The following BNC2 variants were observed in gnomAD, a reference collection of about 807,000 sequenced individuals.
BNC2 encodes zinc finger protein basonuclin-2.
A neutral mutation model predicts 76.3 loss-of-function variants in BNC2; 20 were observed. The observed-to-expected ratio is 0.26, with a 90% confidence interval of 0.18 to 0.38. The LOEUF (loss-of-function observed/expected upper bound fraction) is 0.38, where lower values mean the gene tolerates loss of function less well. BNC2 is among the 10% of genes least tolerant of loss of function. The pLI is 1.00. For synonymous variants in BNC2, 582 were observed against 514.8 expected, an observed-to-expected ratio of 1.13 and a Z score of -1.77; for missense variants, 1,382 against 1,399.8, an observed-to-expected ratio of 0.99 and a Z score of 0.20.
At chr9:16,537,022 C>T (rs1041781338) in intron 5 of BNC2, among the ~76,000 whole-genome samples, 1 of 152,098 alleles carries the variant, frequency 6.6e-6, no homozygotes, top group Non-Finnish European at 1.5e-5. Context: ...CTATCCTGCT[C>T]ATAAACCCTA....
At chr9:16,837,824 C>T (rs763633986) in intron 1 of BNC2, among the ~76,000 whole-genome samples, 13 of 151,964 alleles carry the variant, frequency 8.6e-5, no homozygotes, top group Non-Finnish European at 1.8e-4. Context: ...ATCAACTCTG[C>T]CTCAACATTT....
At chr9:16,649,621 C>T (rs193269562) in intron 3 of BNC2, among the ~76,000 whole-genome samples, 36 of 152,260 alleles carry the variant, frequency 2.4e-4, no homozygotes, top group African/African-American at 8.4e-4. Flanking sequence ...TGAAAAGCCA[C>T]TTCTACAGGC....
chr9:16,467,808 T>G (rs1030606031), intron 5 of BNC2, among the ~76,000 whole-genome samples: 2 of 142,316 alleles, frequency 1.4e-5, no homozygotes, highest in Non-Finnish European at 3.0e-5. Context: ...AATGTGCACA[T>G]GTACCCTAAA....
chr9:16,762,471 T>C (rs535718129), intron 1 of BNC2, among the ~76,000 whole-genome samples: 43 of 152,274 alleles, frequency 2.8e-4, no homozygotes, highest in Non-Finnish European at 4.9e-4. Context: ...TCAAAACCCC[T>C]GGATGTGCAC....
In BNC2 at chr9:16,590,651, T is replaced by A. The variant is rs531604603; in HGVS notation, c.331-7566A>T. ...GCGAAACCTCGTCTCTATAAAAATA[T>A]GAAAAATTCGCCGGGCGTGGTGGCA... On this transcript the variant is annotated intron_variant, in intron 3 of 6. Transcript: ENST00000380672. Among the ~76,000 whole-genome samples, 9 of 152,096 alleles carry A rather than the reference T, an allele frequency of 5.9e-5. No homozygotes were observed. The East Asian group carries it at 1.8e-3, about 30-fold the overall frequency.
At chr9:16,464,174 G>A (rs1221144239) in intron 5 of BNC2, among the ~76,000 whole-genome samples, 3 of 150,248 alleles carry the variant, frequency 2.0e-5, no homozygotes, top group Non-Finnish European at 4.4e-5. Context: ...CCTAATAATA[G>A]CTAACAACTC....
intron 4 of BNC2, among the ~76,000 whole-genome samples, chr9:16,575,746 C>T (rs928848028): frequency 6.6e-6 from 1 of 152,158 alleles, no homozygotes; most frequent in Admixed American, 6.5e-5. Context: ...AATGGCCTTG[C>T]TTTTGCTCTC....
chr9:16,683,725 T>C (rs1329451335), intron 3 of BNC2, among the ~76,000 whole-genome samples: 3 of 152,220 alleles, frequency 2.0e-5, no homozygotes, highest in Non-Finnish European at 4.4e-5. Flanking sequence ...GGACATAATA[T>C]GTATATGTAC....
intron 5 of BNC2, among the ~76,000 whole-genome samples, chr9:16,438,658 T>C (rs114918628): frequency 0.011 from 1,639 of 152,270 alleles, 27 homozygotes; most frequent in African/African-American, 0.037. Flanking sequence ...GAGTGACACT[T>C]GCCCTAACCC....
At chr9:16,539,189 G>C (rs1428108499) in intron 5 of BNC2, among the ~76,000 whole-genome samples, 1 of 152,010 alleles carries the variant, frequency 6.6e-6, no homozygotes, top group Non-Finnish European at 1.5e-5. Flanking sequence ...TCAAAACAGG[G>C]GGAAAAAAAC....
At chr9:16,777,630 G>A (rs1244395285) in intron 1 of BNC2, among the ~76,000 whole-genome samples, 1 of 151,492 alleles carries the variant, frequency 6.6e-6, no homozygotes, top group East Asian at 1.9e-4. Context: ...GAACCCGGGA[G>A]GCGGAGCTTG....
chr9:16,857,459 A>C (rs1819287884), intron 1 of BNC2, among the ~76,000 whole-genome samples: 1 of 146,518 alleles, frequency 6.8e-6, no homozygotes, highest in African/African-American at 2.5e-5. Context: ...CCTGGGCAAC[A>C]GAGTGAGACT....
At chr9:16,608,280 G>C (rs1258698188) in intron 3 of BNC2, among the ~76,000 whole-genome samples, 1 of 152,030 alleles carries the variant, frequency 6.6e-6, no homozygotes, top group African/African-American at 2.4e-5. Context: ...GTACACATTA[G>C]AAATATTTTG....
At chr9:16,525,969 T>C (rs34678910) in intron 5 of BNC2, among the ~76,000 whole-genome samples, 27,918 of 152,094 alleles carry the variant, frequency 0.18, 2,718 homozygotes, top group South Asian at 0.27. Context: ...CAAGAGTCTA[T>C]CCTTGAACTT....
intron 3 of BNC2, among the ~76,000 whole-genome samples, chr9:16,653,583 T>C (rs532033703): frequency 4.3e-4 from 66 of 151,968 alleles, no homozygotes; most frequent in Admixed American, 1.8e-3. Context: ...GGGGGAAGTG[T>C]TTGGGAAACA....
chr9:16,759,356 G>A lies in BNC2; in HGVS notation c.4-20871C>T, dbSNP rs116369645. Among the ~76,000 whole-genome samples the A allele has an allele frequency of 6.8e-3, 1,034 of 152,256 alleles. 8 individuals are homozygous for A. Among genetic ancestry groups the A allele is most frequent in the African/African-American group, 0.023 (975 of 41,558 alleles). On this transcript the variant is annotated intron_variant, in intron 1 of 6. Coordinates refer to ENST00000380672, the MANE Select transcript of BNC2 (RefSeq NM_017637.6). ...GTATGTTTTCTGTATAGATATTAGAGAGGACTTTAATGGAAAGTATGGTAA... is the reference window on the plus strand; with the variant it reads ...GTATGTTTTCTGTATAGATATTAGAAAGGACTTTAATGGAAAGTATGGTAA...
intron 5 of BNC2, among the ~76,000 whole-genome samples, chr9:16,550,781 T>C (rs1423659584): frequency 6.6e-6 from 1 of 152,166 alleles, no homozygotes; most frequent in Non-Finnish European, 1.5e-5. Flanking sequence ...GGTACCAGAT[T>C]GGGGCAAAAC....
intron 1 of BNC2, among the ~76,000 whole-genome samples, chr9:16,866,962 G>A (rs2136234345): frequency 6.6e-6 from 1 of 152,238 alleles, no homozygotes; most frequent in South Asian, 2.1e-4. Flanking sequence ...ACCATCTGCT[G>A]AGTAAATCAG....
At chr9:16,499,530 CTTTT>C (rs763681726) in intron 5 of BNC2, among the ~76,000 whole-genome samples, 2 of 127,106 alleles carry the variant, frequency 1.6e-5, no homozygotes. Flanking sequence ...CTTTTTTTTT[CTTTT>C]TTTTTTTTTT....
Sources: allele counts gnomAD v4.1 joint callset (sites outside exome capture counted in the v4.1 genomes callset), GRCh38; gene constraint gnomAD v4.1.1; transcripts MANE v1.5; gene names NCBI Gene and HGNC (gene_info 2026-07-23, HGNC 2026-07-21).